The following ITPK1 variants were observed in gnomAD, a reference collection of about 807,000 sequenced individuals.
ITPK1 encodes the protein inositol 1,3,4-trisphosphate 5/6-kinase.
In ITPK1, 21 loss-of-function variants were observed where a neutral mutation model predicts 45.3. The observed-to-expected ratio is 0.46, with a 90% confidence interval of 0.33 to 0.67. The LOEUF (loss-of-function observed/expected upper bound fraction) is 0.67, where lower values mean the gene tolerates loss of function less well. ITPK1 is among the 30% of genes least tolerant of loss of function. ITPK1 has a pLI of 0.02. For synonymous variants in ITPK1, 258 were observed against 253.6 expected (o/e 1.02, Z -0.16); for missense variants, 474 against 573.5 (o/e 0.83, Z 1.77).
At chr14:93,053,686 G>T (rs1181404964) in intron 3 of ITPK1, among the ~76,000 whole-genome samples, 1 of 152,214 alleles carries the variant, frequency 6.6e-6, no homozygotes, top group Non-Finnish European at 1.5e-5. Flanking sequence ...TGTAGCAAAT[G>T]TTCCAGGCTA....
At chr14:92,983,900 A>G (rs1173567455) in intron 5 of ITPK1, among the ~76,000 whole-genome samples, 1 of 152,162 alleles carries the variant, frequency 6.6e-6, no homozygotes, top group East Asian at 1.9e-4. Context: ...ATGTATGGAA[A>G]TATTATGCTG....
chr14:92,982,178 G>A (rs1234494249), intron 5 of ITPK1, among the ~76,000 whole-genome samples: 1 of 152,244 alleles, frequency 6.6e-6, no homozygotes, highest in Admixed American at 6.5e-5. Flanking sequence ...ATTACTCAGT[G>A]TGGCAGGCAG....
At chr14:92,990,757 A>G (rs1399677751) in intron 5 of ITPK1, among the ~76,000 whole-genome samples, 1 of 152,176 alleles carries the variant, frequency 6.6e-6, no homozygotes, top group Non-Finnish European at 1.5e-5. Context: ...GATGCTCTGC[A>G]GGGAGACAGA....
At chr14:92,984,568 G>A (rs924528880) in intron 5 of ITPK1, among the ~76,000 whole-genome samples, 2 of 152,148 alleles carry the variant, frequency 1.3e-5, no homozygotes, top group Non-Finnish European at 2.9e-5. Context: ...CCAGACTAAA[G>A]ATTCATATTA....
chr14:92,990,812 A>G (rs189249801), intron 5 of ITPK1, among the ~76,000 whole-genome samples: 9 of 152,118 alleles, frequency 5.9e-5, no homozygotes, highest in South Asian at 2.1e-4. Context: ...TCTGCCTGCT[A>G]TTCCTGGGAG....
chr14:93,030,769 A>G (rs1201998363), intron 3 of ITPK1, among the ~76,000 whole-genome samples: 1 of 152,200 alleles, frequency 6.6e-6, no homozygotes, highest in Non-Finnish European at 1.5e-5. Flanking sequence ...TCAGAACGTG[A>G]CCTGGTTAGG....
intron 5 of ITPK1, among the ~76,000 whole-genome samples, chr14:92,970,242 A>G (rs1258527311): frequency 1.3e-5 from 2 of 152,224 alleles, no homozygotes; most frequent in Admixed American, 1.3e-4. Flanking sequence ...GACCTGGGGC[A>G]AACTTCCACT....
At chr14:92,946,667 AG>A (rs1887706226) in intron 9 of ITPK1, among the ~76,000 whole-genome samples, 174 bp from the exon 10 acceptor site, 1 of 152,178 alleles carries the variant, frequency 6.6e-6, no homozygotes, top group African/African-American at 2.4e-5. Flanking sequence ...CTGCCCTCTG[AG>A]GGCCGCCAGG....
intron 9 of ITPK1, among the ~76,000 whole-genome samples, chr14:92,949,883 G>A (rs1887875823): frequency 6.6e-6 from 1 of 152,206 alleles, no homozygotes; most frequent in Admixed American, 6.5e-5. Context: ...TGGAAAGCAA[G>A]GAGGTGACAG....
chr14:92,968,323 C>CT (rs1228508236), intron 5 of ITPK1, among the ~76,000 whole-genome samples: 1 of 151,538 alleles, frequency 6.6e-6, no homozygotes, highest in African/African-American at 2.4e-5. Context: ...GAGCGAGACT[C>CT]TGTCTCAAAA....
intron 2 of ITPK1, among the ~76,000 whole-genome samples, chr14:93,084,193 A>G (rs976703722): frequency 4.6e-5 from 7 of 152,258 alleles, no homozygotes; most frequent in African/African-American, 1.7e-4. Flanking sequence ...CGCCACCTGG[A>G]AACAACGCGG....
At chr14:93,105,646 C>T (rs1157951930) in intron 2 of ITPK1, among the ~76,000 whole-genome samples, 3 of 151,190 alleles carry the variant, frequency 2.0e-5, no homozygotes, top group African/African-American at 4.9e-5. Flanking sequence ...CTCAGCCTGC[C>T]GAGTAGTAGC....
chr14:93,023,497 G>A (rs1888574720), intron 3 of ITPK1, among the ~76,000 whole-genome samples: 1 of 152,184 alleles, frequency 6.6e-6, no homozygotes, highest in Non-Finnish European at 1.5e-5. Context: ...TTCTGAGGCT[G>A]TTGGTTAATA....
At chr14:93,090,644 C>A (rs574679594) in intron 2 of ITPK1, among the ~76,000 whole-genome samples, 1 of 152,128 alleles carries the variant, frequency 6.6e-6, no homozygotes, top group East Asian at 1.9e-4. Flanking sequence ...TTTTGGCCAG[C>A]GTTTTCTGGA....
At chr14:93,098,111 G>T (rs1295711539) in intron 2 of ITPK1, among the ~76,000 whole-genome samples, 1 of 151,476 alleles carries the variant, frequency 6.6e-6, no homozygotes, top group African/African-American at 2.4e-5. Context: ...TTGAGGTCAG[G>T]AGTTTGAGAC....
chr14:92,943,668 G>T (rs1457155317), intron 10 of ITPK1, among the ~76,000 whole-genome samples: 2 of 152,224 alleles, frequency 1.3e-5, no homozygotes, highest in African/African-American at 4.8e-5. Context: ...CGCTTTCTGT[G>T]GTGGTGCAGA....
At chr14:93,044,156 C>T (rs1332762170) in intron 3 of ITPK1, among the ~76,000 whole-genome samples, 4 of 152,132 alleles carry the variant, frequency 2.6e-5, no homozygotes, top group Non-Finnish European at 5.9e-5. Flanking sequence ...AACTGAAGCG[C>T]CCATGGGGCA....
chr14:93,040,764 G>C (rs759055381), intron 3 of ITPK1, among the ~76,000 whole-genome samples: 2 of 152,030 alleles, frequency 1.3e-5, no homozygotes, highest in African/African-American at 2.4e-5. Flanking sequence ...TCTTTCTCTG[G>C]TGACTGCCTC....
rs147900988 is a variant in ITPK1, at chr14:93,005,842, C to G, written c.246+10834G>C. On this transcript the variant is annotated intron_variant, in intron 4 of 10. Transcript: ENST00000267615. ...GCCCTAGGTATACACCAGTAGAGAG[C>G]TGGCTTGGTAAAAAGGACAGGGAGG... 3.0e-3 allele frequency among the ~76,000 whole-genome samples: 454 copies of G among 152,284 alleles called. 2 individuals are homozygous for G. The highest frequency in any genetic ancestry group is 0.01 in the African/African-American group (433 of 41,538).
Sources: gnomAD v4.1 joint callset for allele counts (sites outside exome capture counted in the v4.1 genomes callset) on GRCh38, gnomAD v4.1.1 for gene constraint, MANE v1.5 for transcripts, NCBI Gene and HGNC (gene_info 2026-07-23, HGNC 2026-07-21) for gene names.